ATP13A4: variants seen among roughly 807,000 people sequenced by gnomAD.
The protein encoded by ATP13A4 is probable cation-transporting ATPase 13A4.
ATP13A4 carries 114 observed loss-of-function variants against 142.5 expected under a neutral mutation model. The observed-to-expected ratio is 0.80, with a 90% CI of 0.69 to 0.93. ATP13A4 has a LOEUF of 0.93. Among genes scored for constraint, ATP13A4 ranks in the 40% least tolerant of loss-of-function variants. The pLI is 0.00. For missense variants in ATP13A4, 1,392 were observed against 1,454.0 expected (o/e 0.96, Z 0.69); for synonymous variants, 488 against 514.8 (o/e 0.95, Z 0.70).
At chr3:193,489,000 C>A (rs1198210581) in intron 7 of ATP13A4, among the ~76,000 whole-genome samples, 7 of 152,118 alleles carry the variant, frequency 4.6e-5, no homozygotes, top group Admixed American at 1.3e-4. Flanking sequence ...TCATTTGGCA[C>A]TCGGAAAGTG....
intron 1 of ATP13A4, among the ~76,000 whole-genome samples, chr3:193,542,327 A>C (rs1722974307): frequency 1.3e-5 from 2 of 152,202 alleles, no homozygotes; most frequent in African/African-American, 4.8e-5. Context: ...GAGAGAGGAC[A>C]CAAACAAATG....
chr3:193,433,176 A>C (rs576365151), intron 25 of ATP13A4, among the ~76,000 whole-genome samples: 1 of 152,228 alleles, frequency 6.6e-6, no homozygotes, highest in Non-Finnish European at 1.5e-5. Flanking sequence ...TCATTCATCA[A>C]TAGAATTTCA....
At chr3:193,506,943 G>A (rs1316627168) in intron 2 of ATP13A4, among the ~76,000 whole-genome samples, 1 of 152,084 alleles carries the variant, frequency 6.6e-6, no homozygotes, top group East Asian at 1.9e-4. Context: ...TATTAGCAGC[G>A]TGAGAACAGA....
chr3:193,471,115 A>C (rs555296713), intron 8 of ATP13A4, 122 bp from the exon 9 acceptor site: 1 of 1,232,200 alleles, frequency 8.1e-7, no homozygotes, highest in South Asian at 1.3e-5. Flanking sequence ...AGAAAGGAGA[A>C]CATTCCTCAA....
intron 3 of ATP13A4, among the ~76,000 whole-genome samples, chr3:193,494,188 T>C (rs763501773): frequency 2.6e-5 from 4 of 151,880 alleles, no homozygotes; most frequent in Non-Finnish European, 5.9e-5. Flanking sequence ...AGTAAAAAAT[T>C]TCAACACCTC....
At chr3:193,590,828 A>C (rs1371365324) in intron 1 of ATP13A4, among the ~76,000 whole-genome samples, 1 of 152,230 alleles carries the variant, frequency 6.6e-6, no homozygotes, top group East Asian at 1.9e-4. Flanking sequence ...AAGTAGAAGC[A>C]CAAGCTTCAT....
At chr3:193,490,743 T>C (rs982375467) in intron 6 of ATP13A4, among the ~76,000 whole-genome samples, 1 of 152,120 alleles carries the variant, frequency 6.6e-6, no homozygotes, top group African/African-American at 2.4e-5. Context: ...ATTTTGAAAG[T>C]ACCTGAAGTT....
intron 22 of ATP13A4, 80 bp downstream of exon 22, chr3:193,438,943 A>G: frequency 7.9e-6 from 11 of 1,394,238 alleles, no homozygotes; most frequent in Non-Finnish European, 1.1e-5. Flanking sequence ...GATTATGACT[A>G]CACACACTGG....
At chr3:193,490,447 G>C (rs1418902653) in intron 6 of ATP13A4, among the ~76,000 whole-genome samples, 1 of 152,202 alleles carries the variant, frequency 6.6e-6, no homozygotes. Flanking sequence ...TGATTAATGG[G>C]TGAGTTGAAG....
At chr3:193,442,634 A>G in intron 18 of ATP13A4, 78 bp from the exon 19 acceptor site, 1 of 1,396,706 alleles carries the variant, frequency 7.2e-7, no homozygotes, top group Non-Finnish European at 1.0e-6. Context: ...AAACCAGAGC[A>G]GGGAGTTCAG....
chr3:193,402,419 C>T lies in ATP13A4; in HGVS notation c.*233G>A. 1 of 502,592 alleles carries T rather than the reference C, an allele frequency of 2.0e-6. No homozygotes were observed. Among genetic ancestry groups the T allele is most frequent in the South Asian group, 2.2e-5 (1 of 45,844 alleles). 31.1% of individuals were successfully genotyped at this position (502,592 alleles called of 1,614,324 possible). A position where few individuals can be genotyped will look rare whatever the true frequency, so the allele number is the denominator to read the frequency against. On this transcript the variant is annotated 3_prime_UTR_variant, in exon 30 of 30. Transcript: ENST00000342695. ...ATAGAAATTCTTGGCCCATTCTTGC[C>T]TTCACTGAATGCCTCTAATACCTTC... is the stretch of plus-strand genomic sequence containing the variant.
chr3:193,529,284 T>C (rs544153546), intron 1 of ATP13A4, among the ~76,000 whole-genome samples: 14 of 150,576 alleles, frequency 9.3e-5, no homozygotes, highest in Non-Finnish European at 1.8e-4. Context: ...AAAAAAAAAA[T>C]TGACTTGGCA....
intron 2 of ATP13A4, among the ~76,000 whole-genome samples, chr3:193,561,786 T>C (rs887010500): frequency 1.2e-4 from 18 of 152,128 alleles, no homozygotes; most frequent in African/African-American, 4.3e-4. Flanking sequence ...CATGCAAATG[T>C]AACTTTAAAA....
intron 2 of ATP13A4, among the ~76,000 whole-genome samples, chr3:193,573,323 A>ACT: frequency 1.4e-5 from 2 of 141,812 alleles, no homozygotes; most frequent in African/African-American, 5.4e-5. Flanking sequence ...ATATATATAT[A>ACT]TATAATTTGT....
At chr3:193,582,149 CTTTTTTT>C (rs61610633) in intron 1 of ATP13A4, among the ~76,000 whole-genome samples, 3 of 124,440 alleles carry the variant, frequency 2.4e-5, no homozygotes, top group African/African-American at 8.7e-5. Flanking sequence ...CTTTTCTTTT[CTTTTTTT>C]TTTTTTTTTT....
chr3:193,403,555 T>C (rs1478494460), intron 29 of ATP13A4, among the ~76,000 whole-genome samples: 1 of 152,238 alleles, frequency 6.6e-6, no homozygotes, highest in Non-Finnish European at 1.5e-5. Flanking sequence ...ATTTAACAAA[T>C]GGCTATGCAC....
chr3:193,462,782 G>T lies in ATP13A4; in HGVS notation c.1503C>A (p.Val501=). 1 of 1,613,860 alleles carries T rather than the reference G, an allele frequency of 6.2e-7. No homozygotes were observed. Among genetic ancestry groups the T allele is most frequent in the Non-Finnish European group, 8.5e-7 (1 of 1,179,820 alleles). ...LTRDGLDLWG[V]VSCDRNGFQE... Reference sequence around the variant, plus strand: ...CTCACCCATTCCTATCACAGGACACGACTCCCCAGAGGTCCAAGCCGTCCC... The same window carrying T: ...CTCACCCATTCCTATCACAGGACACTACTCCCCAGAGGTCCAAGCCGTCCC... The change falls in exon 13 of 30, where the codon GTC becomes GTA. Residue 501 remains valine, a synonymous_variant. Coordinates refer to ENST00000342695, the MANE Select transcript of ATP13A4 (RefSeq NM_032279.4).
At chr3:193,448,115 G>T in intron 18 of ATP13A4, 91 bp downstream of exon 18, 1 of 1,541,870 alleles carries the variant, frequency 6.5e-7, no homozygotes, top group Non-Finnish European at 8.9e-7. Context: ...CTGGCCCAGA[G>T]TAGGTAGTCA....
rs770619773 is a variant in ATP13A4 at position 193,467,500 on chromosome 3, G to A, written c.944-14C>T. ...GAATACTTTCTCCTACAGAAAACAAGCATCTTGTTTTGTGAGGCAGGATGG... is the reference window on the plus strand; with the variant it reads ...GAATACTTTCTCCTACAGAAAACAAACATCTTGTTTTGTGAGGCAGGATGG... On this transcript the variant is annotated splice_polypyrimidine_tract_variant and intron_variant, in intron 9 of 29. Coordinates refer to ENST00000342695, the MANE Select transcript of ATP13A4 (RefSeq NM_032279.4). The A allele has an allele frequency of 1.9e-5, 30 of 1,612,208 alleles. No homozygotes were observed. Among genetic ancestry groups the A allele is most frequent in the Non-Finnish European group, 2.5e-5 (30 of 1,179,438 alleles).
Sources: gnomAD v4.1 joint callset for allele counts (sites outside exome capture counted in the v4.1 genomes callset) on GRCh38, gnomAD v4.1.1 for gene constraint, MANE v1.5 for transcripts, NCBI Gene and HGNC (gene_info 2026-07-23, HGNC 2026-07-21) for gene names.